The following PARN variants were observed in gnomAD, a reference collection of about 807,000 sequenced individuals.
The protein encoded by PARN is poly(A)-specific ribonuclease PARN.
PARN carries 71 observed loss-of-function variants against 102.8 expected under a neutral mutation model. The observed-to-expected ratio is 0.69, with a 90% CI of 0.57 to 0.84. The LOEUF is 0.84. Among genes scored for constraint, PARN ranks in the 40% least tolerant of loss-of-function variants. The probability of loss-of-function intolerance (pLI) is 0.00; values close to 1 mark genes in which losing one functional copy is unlikely to be tolerated. For missense variants in PARN, 782 were observed against 760.9 expected (o/e 1.03, Z -0.33); for synonymous variants, 261 against 252.9 (o/e 1.03, Z -0.30).
intron 5 of PARN, among the ~76,000 whole-genome samples, chr16:14,620,013 T>C (rs1486148853): frequency 7.3e-6 from 1 of 136,976 alleles, no homozygotes; most frequent in Non-Finnish European, 1.5e-5. Flanking sequence ...GAGGTTGCCA[T>C]GAGCCGAGAT....
intron 22 of PARN, among the ~76,000 whole-genome samples, chr16:14,473,366 T>G (rs973183517): frequency 1.3e-5 from 2 of 152,228 alleles, no homozygotes; most frequent in African/African-American, 2.4e-5. Flanking sequence ...CTACATTGAA[T>G]TTGCCAACAT....
At chr16:14,530,505 T>C (rs1251218197) in intron 21 of PARN, among the ~76,000 whole-genome samples, 1 of 150,762 alleles carries the variant, frequency 6.6e-6, no homozygotes, top group East Asian at 1.9e-4. Context: ...TACACACACA[T>C]ACATCTGTAC....
intron 21 of PARN, chr16:14,501,674 G>C (rs536874415): frequency 6.6e-6 from 1 of 152,194 alleles, no homozygotes; most frequent in South Asian, 2.1e-4. Flanking sequence ...AGCCATCATG[G>C]TGAGAGTTCC....
At chr16:14,606,296 G>A (rs1971177170) in intron 10 of PARN, among the ~76,000 whole-genome samples, 188 bp downstream of exon 10, 1 of 151,954 alleles carries the variant, frequency 6.6e-6, no homozygotes, top group African/African-American at 2.4e-5. Context: ...AGCTTGGGAG[G>A]CTGATGTAGG....
intron 22 of PARN, among the ~76,000 whole-genome samples, chr16:14,448,054 G>A (rs527316717): frequency 2.7e-4 from 41 of 151,438 alleles, no homozygotes; most frequent in Non-Finnish European, 4.7e-4. Context: ...GAGTGATCTC[G>A]GCTCACTGTA....
At chr16:14,509,087 T>G (rs892052333) in intron 21 of PARN, among the ~76,000 whole-genome samples, 2 of 152,082 alleles carry the variant, frequency 1.3e-5, no homozygotes, top group African/African-American at 4.8e-5. Flanking sequence ...TGAGACTGAC[T>G]CTTAAGAAAG....
rs374192840 is a variant in PARN, at chr16:14,597,719, G to A, written c.840+2185C>T. Among the ~76,000 whole-genome samples the A allele has an allele frequency of 1.0e-3, 159 of 151,812 alleles. 1 individual carries two copies. In the East Asian group the frequency reaches 0.015, roughly 14 times the overall value. The stretch of plus-strand genomic sequence containing the variant: ...CTCAAAAAAAAAAAAAAAATTGATC[G>A]ACATCATGAACCATCATTTCTGTGG... On this transcript the variant is annotated intron_variant, in intron 12 of 23. Transcript: ENST00000437198.
chr16:14,616,235 G>C (rs1971894440), intron 6 of PARN, among the ~76,000 whole-genome samples: 1 of 152,202 alleles, frequency 6.6e-6, no homozygotes, highest in Non-Finnish European at 1.5e-5. Context: ...ATGTCCAGTA[G>C]TCATGCACCC....
chr16:14,492,101 T>G (rs761348821), intron 21 of PARN, among the ~76,000 whole-genome samples: 20 of 152,240 alleles, frequency 1.3e-4, no homozygotes, highest in Non-Finnish European at 2.2e-4. Context: ...TCCTTCATGC[T>G]TCCTTTCATA....
chr16:14,445,711 C>T (rs1261502222), intron 23 of PARN, among the ~76,000 whole-genome samples: 2 of 152,184 alleles, frequency 1.3e-5, no homozygotes, highest in African/African-American at 4.8e-5. Context: ...TACCGGCATG[C>T]GCCACCACAC....
At chr16:14,576,835 A>T (rs974892239) in intron 18 of PARN, among the ~76,000 whole-genome samples, 1 of 152,326 alleles carries the variant, frequency 6.6e-6, no homozygotes, top group African/African-American at 2.4e-5. Flanking sequence ...ACAAAATGGC[A>T]CCATGCAAAA....
At chr16:14,624,232 C>G (rs1053580199) in intron 5 of PARN, among the ~76,000 whole-genome samples, 5 of 152,116 alleles carry the variant, frequency 3.3e-5, no homozygotes, top group Admixed American at 3.3e-4. Flanking sequence ...CAATTTTCAC[C>G]CTACTTAATA....
At chr16:14,589,683 T>C (rs1037418092) in intron 13 of PARN, among the ~76,000 whole-genome samples, 7 of 151,608 alleles carry the variant, frequency 4.6e-5, no homozygotes, top group Admixed American at 3.3e-4. Flanking sequence ...CTGGCCAACA[T>C]GGCGAAATCC....
intron 5 of PARN, among the ~76,000 whole-genome samples, chr16:14,623,562 C>T (rs956254501): frequency 6.6e-6 from 1 of 151,290 alleles, no homozygotes; most frequent in Non-Finnish European, 1.5e-5. Context: ...TCTGGCCAGG[C>T]GCGATGGCTC....
At chr16:14,555,767 T>G (rs1400422614) in intron 18 of PARN, 58 bp from the exon 19 acceptor site, 1 of 895,104 alleles carries the variant, frequency 1.1e-6, no homozygotes, top group Non-Finnish European at 1.6e-6. Context: ...ACAGGCATTT[T>G]GCATTTTTAA....
intron 21 of PARN, among the ~76,000 whole-genome samples, chr16:14,489,589 T>C (rs1963947588): frequency 1.3e-5 from 2 of 152,188 alleles, no homozygotes; most frequent in Non-Finnish European, 2.9e-5. Flanking sequence ...TTCGGTCACA[T>C]GGAAGTGGAG....
chr16:14,487,038 G>A (rs538599108), intron 21 of PARN, among the ~76,000 whole-genome samples: 6 of 152,314 alleles, frequency 3.9e-5, no homozygotes, highest in East Asian at 3.9e-4. Flanking sequence ...AGCACGGTCC[G>A]GGGTGGTCCA....
At position 14,551,118 on chromosome 16, in the gene PARN, G is replaced by C. The variant is rs577637880; in HGVS notation, c.1480+903C>G. Reference sequence around the variant, plus strand: ...AGCTAAATTTTGCATATTTAGTAGAGATAGGGTTTCACCTTATTGGCCAGG... The same window carrying C: ...AGCTAAATTTTGCATATTTAGTAGACATAGGGTTTCACCTTATTGGCCAGG... On this transcript the variant is annotated intron_variant, in intron 21 of 23. Transcript: ENST00000437198. Among the ~76,000 whole-genome samples the C allele has an allele frequency of 2.1e-4, 32 of 151,820 alleles. 1 individual carries two copies. Among genetic ancestry groups the C allele is most frequent in the Non-Finnish European group, 4.1e-4 (28 of 67,914 alleles).
chr16:14,492,425 C>T (rs1454743051), intron 21 of PARN, among the ~76,000 whole-genome samples: 1 of 152,170 alleles, frequency 6.6e-6, no homozygotes, highest in Non-Finnish European at 1.5e-5. Context: ...CAGACAGCTT[C>T]CACAGATCCC....
Sources: allele counts gnomAD v4.1 joint callset (sites outside exome capture counted in the v4.1 genomes callset), GRCh38; gene constraint gnomAD v4.1.1; transcripts MANE v1.5; gene names NCBI Gene and HGNC (gene_info 2026-07-23, HGNC 2026-07-21).